The following CFAP221 variants were observed in gnomAD, a reference collection of about 807,000 sequenced individuals.
The protein encoded by CFAP221 is cilia and flagella associated protein 221.
CFAP221 carries 97 observed loss-of-function variants against 113.1 expected under a neutral mutation model. The ratio of observed to expected loss-of-function variants is 0.86; its 90% CI spans 0.73 to 1.02. The LOEUF is 1.02. Among genes scored for constraint, CFAP221 ranks in the 50% least tolerant of loss-of-function variants. CFAP221 has a pLI of 0.00. For missense variants in CFAP221, 1,025 were observed against 1,013.4 expected (o/e 1.01, Z -0.16); for synonymous variants, 331 against 354.4 (o/e 0.93, Z 0.74).
chr2:119,547,989 G>A (rs564766339), intron 2 of CFAP221, among the ~76,000 whole-genome samples: 11 of 152,066 alleles, frequency 7.2e-5, no homozygotes, highest in East Asian at 5.8e-4. Context: ...TTTTTGAGAC[G>A]GTGTTGTTCT....
chr2:119,623,157 C>T (rs1044751215), intron 14 of CFAP221, among the ~76,000 whole-genome samples: 2 of 152,214 alleles, frequency 1.3e-5, no homozygotes, highest in African/African-American at 2.4e-5. Flanking sequence ...TGATAAGCAA[C>T]TTCAGCAAAG....
chr2:119,632,201 T>C (rs927362086), intron 19 of CFAP221, among the ~76,000 whole-genome samples: 1 of 152,082 alleles, frequency 6.6e-6, no homozygotes, highest in South Asian at 2.1e-4. Context: ...GACAGAGATA[T>C]TACAGGAAAA....
intron 8 of CFAP221, chr2:119,602,536 A>G (rs1039948430): frequency 8.4e-6 from 7 of 834,952 alleles, no homozygotes; most frequent in Non-Finnish European, 1.0e-5. Flanking sequence ...CAAGTGGAGT[A>G]GCAACCTTAT....
At chr2:119,600,428 C>T (rs1684283983) in intron 7 of CFAP221, among the ~76,000 whole-genome samples, 1 of 152,200 alleles carries the variant, frequency 6.6e-6, no homozygotes, top group South Asian at 2.1e-4. Context: ...TTAATATTGA[C>T]ATCTGGTAAT....
At chr2:119,566,484 A>G (rs1681635687) in intron 6 of CFAP221, among the ~76,000 whole-genome samples, 1 of 152,182 alleles carries the variant, frequency 6.6e-6, no homozygotes, top group Non-Finnish European at 1.5e-5. Flanking sequence ...GTTTCCTGTG[A>G]GAGCCATCGA....
At chr2:119,551,922 T>C (rs1251176511) in intron 3 of CFAP221, among the ~76,000 whole-genome samples, 1 of 152,196 alleles carries the variant, frequency 6.6e-6, no homozygotes, top group Non-Finnish European at 1.5e-5. Context: ...CCTAGGATAT[T>C]TTCCACCTGT....
rs574904787 is a variant in CFAP221, at chr2:119,619,260, G to A, written c.1410+3551G>A. On this transcript the variant is annotated intron_variant, in intron 14 of 23. Transcript: ENST00000413369. The stretch of plus-strand genomic sequence containing the variant: ...GCTAAGGGACAGACTGCCTCCTCAA[G>A]TGGGTCTCTGATCCCTGTGCCTCCT... 9.2e-5 allele frequency among the ~76,000 whole-genome samples: 14 copies of A among 152,350 alleles called. No homozygotes were observed. In the East Asian group the frequency reaches 2.5e-3, roughly 27 times the overall value.
At chr2:119,626,419 A>G (rs1686310523) in intron 15 of CFAP221, among the ~76,000 whole-genome samples, 1 of 152,110 alleles carries the variant, frequency 6.6e-6, no homozygotes, top group Admixed American at 6.5e-5. Flanking sequence ...CTTGATAATG[A>G]ACAAGGTCCC....
chr2:119,586,048 A>G (rs1378164523), intron 6 of CFAP221, among the ~76,000 whole-genome samples: 1 of 152,158 alleles, frequency 6.6e-6, no homozygotes, highest in Non-Finnish European at 1.5e-5. Context: ...GTTGGCAGGG[A>G]GACCAGAAGC....
At chr2:119,549,751 A>T (rs1360706975) in intron 3 of CFAP221, among the ~76,000 whole-genome samples, 1 of 152,226 alleles carries the variant, frequency 6.6e-6, no homozygotes, top group East Asian at 1.9e-4. Flanking sequence ...CACTCTGGCC[A>T]GAGAGAATCT....
intron 7 of CFAP221, among the ~76,000 whole-genome samples, chr2:119,594,861 A>G (rs1683852043): frequency 6.6e-6 from 1 of 152,118 alleles, no homozygotes; most frequent in Non-Finnish European, 1.5e-5. Flanking sequence ...TGAGGCATGG[A>G]GTGTTATGTA....
intron 3 of CFAP221, chr2:119,557,543 A>G (rs1024771782): frequency 6.6e-6 from 1 of 152,182 alleles, no homozygotes; most frequent in African/African-American, 2.4e-5. Flanking sequence ...TTTGTTTGAG[A>G]GTGGAAATGC....
intron 7 of CFAP221, among the ~76,000 whole-genome samples, chr2:119,596,978 C>T (rs796607322): frequency 3.9e-5 from 6 of 152,344 alleles, no homozygotes; most frequent in African/African-American, 1.4e-4. Flanking sequence ...AGTGATTTGG[C>T]ATCATGAGGC....
At chr2:119,566,268 A>C (rs1015245961) in intron 6 of CFAP221, among the ~76,000 whole-genome samples, 2 of 152,164 alleles carry the variant, frequency 1.3e-5, no homozygotes, top group Non-Finnish European at 2.9e-5. Flanking sequence ...TAAAGCAATC[A>C]ACTCTACTAA....
At chr2:119,657,038 A>T (rs898677710), downstream of CFAP221, among the ~76,000 whole-genome samples, 5 of 152,172 alleles carry the variant, frequency 3.3e-5, no homozygotes, top group African/African-American at 1.2e-4. Flanking sequence ...CTGGAGCAGG[A>T]GGTCACTGCA....
intron 11 of CFAP221, 24 bp from the exon 12 acceptor site, chr2:119,608,478 A>C (rs1433302731): frequency 2.2e-6 from 3 of 1,380,722 alleles, no homozygotes; most frequent in African/African-American, 4.8e-5. Context: ...GGTTCTGGAC[A>C]CAGTTTTTTT....
intron 23 of CFAP221, among the ~76,000 whole-genome samples, chr2:119,655,302 A>C (rs1160953166): frequency 1.3e-5 from 2 of 151,668 alleles, no homozygotes; most frequent in African/African-American, 4.9e-5. Flanking sequence ...TTGCTGACAC[A>C]TTTTTCAGCA....
intron 8 of CFAP221, among the ~76,000 whole-genome samples, chr2:119,603,159 G>A (rs1465428558): frequency 6.6e-6 from 1 of 152,190 alleles, no homozygotes; most frequent in Admixed American, 6.5e-5. Context: ...TATAGGGTGT[G>A]TGATAGACTT....
intron 6 of CFAP221, among the ~76,000 whole-genome samples, chr2:119,565,697 C>T (rs560251344): frequency 1.3e-5 from 2 of 152,292 alleles, no homozygotes; most frequent in African/African-American, 4.8e-5. Flanking sequence ...CTACTGTTTT[C>T]CTCCAGACAT....
Sources: gnomAD v4.1 joint callset for allele counts (sites outside exome capture counted in the v4.1 genomes callset) on GRCh38, gnomAD v4.1.1 for gene constraint, MANE v1.5 for transcripts, NCBI Gene and HGNC (gene_info 2026-07-23, HGNC 2026-07-21) for gene names.